The following ARHGAP42 variants were observed in gnomAD, a reference collection of about 807,000 sequenced individuals.
The protein encoded by ARHGAP42 is rho GTPase-activating protein 42.
Under a neutral mutation model 125.0 loss-of-function variants are expected in ARHGAP42, and 63 were observed. The observed-to-expected ratio is 0.50, with a 90% confidence interval of 0.41 to 0.62. The LOEUF is 0.62. Ranked by LOEUF, ARHGAP42 falls within the 20% of genes least tolerant of loss-of-function variation. ARHGAP42 has a pLI of 0.00. For synonymous variants in ARHGAP42, 339 were observed against 351.0 expected, an observed-to-expected ratio of 0.97 and a Z score of 0.38; for missense variants, 766 against 1,024.2, an observed-to-expected ratio of 0.75 and a Z score of 3.44.
chr11:100,799,617 G>A (rs886744004), intron 3 of ARHGAP42, among the ~76,000 whole-genome samples: 3 of 152,124 alleles, frequency 2.0e-5, no homozygotes, highest in African/African-American at 7.2e-5. Context: ...GAAGAGTAAT[G>A]GAGCCAAGAG....
intron 1 of ARHGAP42, among the ~76,000 whole-genome samples, chr11:100,732,844 A>G (rs928050078): frequency 2.0e-5 from 3 of 152,218 alleles, no homozygotes; most frequent in Admixed American, 6.5e-5. Flanking sequence ...GATTCTTTCT[A>G]TGCTACTCAG....
intron 3 of ARHGAP42, among the ~76,000 whole-genome samples, chr11:100,822,124 T>A (rs1864418765): frequency 6.6e-6 from 1 of 152,290 alleles, no homozygotes; most frequent in African/African-American, 2.4e-5. Flanking sequence ...ATTTGACACC[T>A]TTTGTATTAA....
intron 1 of ARHGAP42, among the ~76,000 whole-genome samples, chr11:100,756,809 C>CAGTT (rs1376123205): frequency 6.6e-6 from 1 of 152,176 alleles, no homozygotes; most frequent in Non-Finnish European, 1.5e-5. Flanking sequence ...TCACAGCAGG[C>CAGTT]AGTTGCTCTC....
At chr11:100,690,367 C>T (rs2120163954) in intron 1 of ARHGAP42, among the ~76,000 whole-genome samples, 1 of 152,098 alleles carries the variant, frequency 6.6e-6, no homozygotes, top group East Asian at 1.9e-4. Context: ...GTTAACTTTT[C>T]CCGTGAGAGT....
At chr11:100,977,491 T>A (rs1018554857) in intron 21 of ARHGAP42, among the ~76,000 whole-genome samples, 9 of 152,054 alleles carry the variant, frequency 5.9e-5, no homozygotes, top group Non-Finnish European at 1.2e-4. Flanking sequence ...TCAAAGGAAA[T>A]GATGCAGAAC....
At chr11:100,977,949 A>G (rs1373467890) in intron 21 of ARHGAP42, among the ~76,000 whole-genome samples, 1 of 152,196 alleles carries the variant, frequency 6.6e-6, no homozygotes, top group Non-Finnish European at 1.5e-5. Flanking sequence ...TCATTAGTTC[A>G]TCCTTTTCTC....
chr11:100,957,528 A>G (rs1394447245), intron 12 of ARHGAP42, among the ~76,000 whole-genome samples: 1 of 152,130 alleles, frequency 6.6e-6, no homozygotes, highest in Non-Finnish European at 1.5e-5. Context: ...GGCTTTAAAC[A>G]AAGCTGTGCA....
chr11:100,845,079 A>G (rs1865030524), intron 3 of ARHGAP42, among the ~76,000 whole-genome samples: 1 of 150,636 alleles, frequency 6.6e-6, no homozygotes, highest in South Asian at 2.1e-4. Context: ...AAACTGTGAT[A>G]TATATATATA....
chr11:100,941,494 G>A (rs570832616), intron 8 of ARHGAP42, among the ~76,000 whole-genome samples: 1 of 152,224 alleles, frequency 6.6e-6, no homozygotes, highest in East Asian at 1.9e-4. Flanking sequence ...CCTCTATGGA[G>A]TACAAGTATA....
In ARHGAP42 at chr11:100,728,713, C is replaced by CATATATAT. The variant is rs1861903204; in HGVS notation, c.154+40881_154+40882insATATATAT. ...AAGTGAAATTATATGAATGACTTTG[C>CATATATAT]GTATATATATATATATATATATATA... On this transcript the variant is annotated intron_variant, in intron 1 of 23. Coordinates refer to ENST00000298815, the MANE Select transcript of ARHGAP42 (RefSeq NM_152432.4). Among the ~76,000 whole-genome samples the CATATATAT allele has an allele frequency of 1.8e-4, 17 of 95,310 alleles. 1 individual carries two copies. Among genetic ancestry groups the CATATATAT allele is most frequent in the South Asian group, 4.2e-4 (1 of 2,394 alleles). 62.5% of individuals were successfully genotyped at this position (95,310 alleles called of 152,430 possible).
chr11:100,714,421 G>A (rs1037941566), intron 1 of ARHGAP42, among the ~76,000 whole-genome samples: 3 of 143,516 alleles, frequency 2.1e-5, no homozygotes, highest in Non-Finnish European at 3.1e-5. Flanking sequence ...GTGTGTGTGT[G>A]TATTTGAGAT....
intron 3 of ARHGAP42, among the ~76,000 whole-genome samples, chr11:100,795,787 T>C (rs944016086): frequency 2.0e-5 from 3 of 152,218 alleles, no homozygotes; most frequent in Non-Finnish European, 2.9e-5. Flanking sequence ...ATCTGTAATA[T>C]GGGAAAAATA....
At chr11:100,860,710 C>G (rs986600664) in intron 4 of ARHGAP42, among the ~76,000 whole-genome samples, 1 of 152,098 alleles carries the variant, frequency 6.6e-6, no homozygotes, top group Non-Finnish European at 1.5e-5. Flanking sequence ...GCAGATGTTC[C>G]CCTTCCAGAA....
chr11:100,774,635 A>G (rs1450407380), intron 2 of ARHGAP42, among the ~76,000 whole-genome samples: 1 of 152,166 alleles, frequency 6.6e-6, no homozygotes, highest in Non-Finnish European at 1.5e-5. Flanking sequence ...GTAGGAAGGG[A>G]AGAGGAAGAT....
At chr11:100,749,145 G>A (rs1268467429) in intron 1 of ARHGAP42, among the ~76,000 whole-genome samples, 1 of 152,138 alleles carries the variant, frequency 6.6e-6, no homozygotes, top group Non-Finnish European at 1.5e-5. Flanking sequence ...GAGAAGAAAG[G>A]AAAGGGGAGT....
chr11:100,736,209 C>G (rs941210841), intron 1 of ARHGAP42, among the ~76,000 whole-genome samples: 1 of 152,138 alleles, frequency 6.6e-6, no homozygotes, highest in Non-Finnish European at 1.5e-5. Context: ...GCTTGAGCAA[C>G]AAGGAATAGA....
chr11:100,945,661 G>A (rs1867996563), intron 10 of ARHGAP42, among the ~76,000 whole-genome samples: 1 of 152,084 alleles, frequency 6.6e-6, no homozygotes, highest in Non-Finnish European at 1.5e-5. Flanking sequence ...TCAATGGGCA[G>A]TAATATTTAG....
intron 3 of ARHGAP42, among the ~76,000 whole-genome samples, chr11:100,798,161 G>T (rs2135037866): frequency 6.6e-6 from 1 of 152,296 alleles, no homozygotes; most frequent in South Asian, 2.1e-4. Flanking sequence ...TCTACTCTTG[G>T]TGAAGATACT....
chr11:100,812,134 C>G (rs554797319), intron 3 of ARHGAP42, among the ~76,000 whole-genome samples: 1 of 152,174 alleles, frequency 6.6e-6, no homozygotes, highest in South Asian at 2.1e-4. Context: ...AATGAGCCTT[C>G]ATATAGTGAA....
Sources: gnomAD v4.1 joint callset for allele counts (sites outside exome capture counted in the v4.1 genomes callset) on GRCh38, gnomAD v4.1.1 for gene constraint, MANE v1.5 for transcripts, NCBI Gene and HGNC (gene_info 2026-07-23, HGNC 2026-07-21) for gene names.